The following MTIF2 variants were observed in gnomAD, a reference collection of about 807,000 sequenced individuals.
MTIF2 encodes the protein mitochondrial translational initiation factor 2.
A neutral mutation model predicts 83.5 loss-of-function variants in MTIF2; 71 were observed. The observed-to-expected ratio is 0.85, with a 90% confidence interval of 0.70 to 1.04. The LOEUF (loss-of-function observed/expected upper bound fraction) is 1.04. Among genes scored for constraint, MTIF2 ranks in the 50% least tolerant of loss-of-function variants. The pLI is 0.00. For synonymous variants in MTIF2, 319 were observed against 287.1 expected (o/e 1.11, Z -1.12); for missense variants, 957 against 846.5 (o/e 1.13, Z -1.62).
intron 13 of MTIF2, among the ~76,000 whole-genome samples, chr2:55,242,148 A>C (rs1380817654): frequency 1.3e-5 from 2 of 148,674 alleles, no homozygotes; most frequent in Non-Finnish European, 3.0e-5. Context: ...TCTCCAAAAA[A>C]AAAAAAAAGA....
intron 9 of MTIF2, among the ~76,000 whole-genome samples, chr2:55,248,604 G>A (rs1200805626): frequency 2.0e-5 from 3 of 152,094 alleles, no homozygotes; most frequent in Non-Finnish European, 4.4e-5. Context: ...ATTCAAGAAA[G>A]AATAGATGGT....
Position 55,246,408 on chromosome 2 carries a change from T to C in MTIF2, c.1035A>G (p.Leu345=). The C allele has an allele frequency of 1.2e-6, 2 of 1,613,948 alleles. No homozygotes were observed. Among genetic ancestry groups the C allele is most frequent in the Non-Finnish European group, 1.7e-6 (2 of 1,179,874 alleles). ...AEATVALAEM[L]ELKADPNGPV... Reference sequence around the variant, plus strand: ...GACCATTGGGATCTGCTTTCAATTCTAACATTTCTGCAAGAGCAACTGTTG... The same window carrying C: ...GACCATTGGGATCTGCTTTCAATTCCAACATTTCTGCAAGAGCAACTGTTG... The change falls in exon 10 of 16, where the codon TTA becomes TTG. Residue 345 remains leucine, a synonymous_variant. Coordinates refer to ENST00000263629, the MANE Select transcript of MTIF2 (RefSeq NM_002453.3).
chr2:55,268,909 G>A (rs899813768), intron 1 of MTIF2, 170 bp from the exon 2 acceptor site: 3 of 152,286 alleles, frequency 2.0e-5, no homozygotes, highest in South Asian at 4.1e-4. Context: ...CCCATGGGAG[G>A]CTGGGAAGTG....
chr2:55,257,422 A>C (rs1677633570), intron 5 of MTIF2, among the ~76,000 whole-genome samples: 1 of 152,172 alleles, frequency 6.6e-6, no homozygotes. Context: ...CGGAGGTTGC[A>C]GTGAGCTGAG....
At chr2:55,255,383 AT>A (rs1326035947) in intron 5 of MTIF2, among the ~76,000 whole-genome samples, 11 of 147,054 alleles carry the variant, frequency 7.5e-5, no homozygotes, top group African/African-American at 2.2e-4. Flanking sequence ...CTATATATAT[AT>A]TTATATATAG....
At chr2:55,260,718 C>G (rs1288344420) in intron 5 of MTIF2, among the ~76,000 whole-genome samples, 13 of 152,114 alleles carry the variant, frequency 8.5e-5, no homozygotes, top group Admixed American at 7.9e-4. Flanking sequence ...AATAAGGATA[C>G]CTAACTTTAG....
intron 14 of MTIF2, 29 bp from the exon 15 acceptor site, chr2:55,237,457 A>G (rs1675932145): frequency 6.4e-7 from 1 of 1,556,466 alleles, no homozygotes; most frequent in East Asian, 2.3e-5. Flanking sequence ...ATTAATGTGC[A>G]GAAAACTAAA....
At chr2:55,248,633 A>G (rs1676872081) in intron 9 of MTIF2, among the ~76,000 whole-genome samples, 1 of 152,232 alleles carries the variant, frequency 6.6e-6, no homozygotes, top group Non-Finnish European at 1.5e-5. Context: ...AGAAAATGGA[A>G]TTCATTATAA....
chr2:55,249,986 G>A (rs1309119420), intron 8 of MTIF2, among the ~76,000 whole-genome samples: 4 of 152,064 alleles, frequency 2.6e-5, no homozygotes, highest in African/African-American at 7.2e-5. Flanking sequence ...CCAGCTACTT[G>A]GGAGCCTGAG....
At chr2:55,252,727 A>G (rs1043123474) in intron 7 of MTIF2, 74 bp from the exon 8 acceptor site, 3 of 1,012,360 alleles carry the variant, frequency 3.0e-6, no homozygotes, top group Non-Finnish European at 4.3e-6. Flanking sequence ...TATATGCGAC[A>G]TTATCAGAAA....
Position 55,254,217 on chromosome 2 carries a change from A to G in MTIF2, c.504-16T>C, listed in dbSNP as rs1558569958. The G allele has an allele frequency of 1.9e-6, 3 of 1,603,478 alleles. No homozygotes were observed. The highest frequency in any genetic ancestry group is 2.2e-5 in the East Asian group (1 of 44,794). On this transcript the variant is annotated splice_polypyrimidine_tract_variant and intron_variant, in intron 6 of 15. Transcript: ENST00000263629. ...TGCCTGGGGCCTACAATTAACAGCA[A>G]AAGAGTTTCATTTCTTAAATATCAG...
chr2:55,249,381 G>T lies in MTIF2; in HGVS notation c.981+14C>A. 6.2e-7 allele frequency: 1 copy of T among 1,613,178 alleles called. No homozygotes were observed. Among genetic ancestry groups the T allele is most frequent in the Non-Finnish European group, 8.5e-7 (1 of 1,179,470 alleles). On this transcript the variant is annotated intron_variant, in intron 9 of 15. Coordinates refer to ENST00000263629, the MANE Select transcript of MTIF2 (RefSeq NM_002453.3). ...TCCCATCCAGGCATATTTATATGAG[G>T]TCCCCGCATTTACCGTAAGTGCGGA...
chr2:55,245,691 C>A (rs1190397163), intron 10 of MTIF2, among the ~76,000 whole-genome samples: 6 of 151,960 alleles, frequency 3.9e-5, no homozygotes, highest in Non-Finnish European at 1.5e-5. Flanking sequence ...CAATACTGAA[C>A]TGTATATTTA....
chr2:55,246,658 T>C (rs1676723849), intron 9 of MTIF2, among the ~76,000 whole-genome samples, 197 bp from the exon 10 acceptor site: 1 of 151,730 alleles, frequency 6.6e-6, no homozygotes, highest in African/African-American at 2.4e-5. Flanking sequence ...ATGGGAAGAA[T>C]GGAAGGGAGG....
At chr2:55,249,289 A>G in intron 9 of MTIF2, 106 bp downstream of exon 9, 1 of 1,442,496 alleles carries the variant, frequency 6.9e-7, no homozygotes, top group Non-Finnish European at 9.3e-7. Flanking sequence ...CTTTTTAAAA[A>G]CAACACAAAT....
intron 9 of MTIF2, among the ~76,000 whole-genome samples, chr2:55,247,002 C>A (rs1271545977): frequency 6.6e-6 from 1 of 152,170 alleles, no homozygotes; most frequent in Non-Finnish European, 1.5e-5. Flanking sequence ...AGGCTCTAAG[C>A]TGTGCTTTAT....
rs1303598712 is a variant in MTIF2, at chr2:55,240,029, C to T, written c.1852G>A (p.Val618Met). Residue 618 changes from valine (V) to methionine (M), a missense_variant, in exon 14 of 16, where the codon GTG becomes ATG. Physicochemically the swap from Val to Met is conservative, Grantham distance 21. Coordinates refer to ENST00000263629, the MANE Select transcript of MTIF2 (RefSeq NM_002453.3). Reference sequence around the variant, plus strand: ...CACTCACCTACTGGGTGCTCTTCCACAGCACAGGGTAATCTGCTGCTCAGT... The same window carrying T: ...CACTCACCTACTGGGTGCTCTTCCATAGCACAGGGTAATCTGCTGCTCAGT... Reference protein sequence around the residue: ...EELSSRLPCAVEEHPVGEASI... With the variant: ...EELSSRLPCAMEEHPVGEASI... 13 of 1,610,534 alleles carry T rather than the reference C, an allele frequency of 8.1e-6. No individual in the cohort carries two copies. Among genetic ancestry groups the T allele is most frequent in the Non-Finnish European group, 1.0e-5 (12 of 1,178,214 alleles).
At chr2:55,262,742 G>A (rs548785416) in intron 4 of MTIF2, among the ~76,000 whole-genome samples, 2 of 145,224 alleles carry the variant, frequency 1.4e-5, no homozygotes, top group Admixed American at 6.9e-5. Flanking sequence ...TTTTTGTTTT[G>A]TTTTGAGACA....
rs192076259 is a variant in MTIF2 at position 55,254,392 on chromosome 2, C to T, written c.504-191G>A. Among the ~76,000 whole-genome samples the T allele has an allele frequency of 1.1e-3, 161 of 152,230 alleles. 2 individuals carry two copies. In the Middle Eastern group the frequency reaches 0.017, roughly 16 times the overall value. On this transcript the variant is annotated intron_variant, in intron 6 of 15. Coordinates refer to ENST00000263629, the MANE Select transcript of MTIF2 (RefSeq NM_002453.3). ...TAACTGCCTACCTACCTGTGGTTTGCATTTTCATAACAATGAGCAGAACTG... is the reference window on the plus strand; with the variant it reads ...TAACTGCCTACCTACCTGTGGTTTGTATTTTCATAACAATGAGCAGAACTG...
Sources: gnomAD v4.1 joint callset for allele counts (sites outside exome capture counted in the v4.1 genomes callset) on GRCh38, gnomAD v4.1.1 for gene constraint, MANE v1.5 for transcripts, NCBI Gene and HGNC (gene_info 2026-07-23, HGNC 2026-07-21) for gene names.